SNAPC4: variants seen among roughly 807,000 people sequenced by gnomAD.
The protein encoded by SNAPC4 is snRNA-activating protein complex subunit 4.
Under a neutral mutation model 151.3 loss-of-function variants are expected in SNAPC4, and 127 were observed. The ratio of observed to expected loss-of-function variants is 0.84; its 90% CI spans 0.73 to 0.97. The LOEUF (loss-of-function observed/expected upper bound fraction) is 0.97. Ranked by LOEUF, SNAPC4 falls within the 50% of genes least tolerant of loss-of-function variation. The pLI is 0.00. For synonymous variants in SNAPC4, 1,002 were observed against 824.4 expected (o/e 1.22, Z -3.69); for missense variants, 2,186 against 1,935.0 (o/e 1.13, Z -2.43).
chr9:136,378,049 G>A lies in SNAPC4; in HGVS notation c.3778C>T (p.Pro1260Ser), dbSNP rs776587144. ...GCCCCCTTCTCAGGCCCAGGCTGGGGTAGGGGCGGCTTCTCCAGGTCCAGG... is the reference window on the plus strand; with the variant it reads ...GCCCCCTTCTCAGGCCCAGGCTGGGATAGGGGCGGCTTCTCCAGGTCCAGG... ...GALDLEKPPLPQPGPEKGALD... is the reference protein window; with the variant it reads ...GALDLEKPPLSQPGPEKGALD... Residue 1260 changes from proline (P) to serine (S), a missense_variant, in exon 22 of 24, where the codon CCC becomes TCC. Physicochemically the swap from Pro to Ser is moderately conservative, Grantham distance 74. Transcript: ENST00000684778. 6.3e-6 allele frequency: 10 copies of A among 1,581,754 alleles called. No individual in the cohort carries two copies. The highest frequency in any genetic ancestry group is 2.3e-5 in the South Asian group (2 of 88,034).
intron 1 of SNAPC4, among the ~76,000 whole-genome samples, chr9:136,399,212 C>A (rs1834371361): frequency 6.6e-6 from 1 of 152,232 alleles, no homozygotes; most frequent in Admixed American, 6.5e-5. Context: ...GAAACGCCCT[C>A]CCCCGTCCTT....
rs776727633 is a variant in SNAPC4 at position 136,381,829 on chromosome 9, G to T, written c.2312C>A (p.Thr771Asn). The change falls in exon 18 of 24, where the codon ACT (threonine) becomes AAT (asparagine). Residue 771 changes from threonine (T) to asparagine (N), a missense_variant. Thr to Asn is a moderately conservative substitution (Grantham distance 65). Transcript: ENST00000684778. ...QASQRPAVVQ[T>N]QADGLREQLQ... ...AGAGGAGCCCCAGGCCATACCTTGA[G>T]TCTGCACTACGGCGGGTCTCTGGGA... 33 of 1,611,778 alleles carry T rather than the reference G, an allele frequency of 2.0e-5. No homozygotes were observed. The highest frequency in any genetic ancestry group is 2.7e-5 in the Non-Finnish European group (32 of 1,179,676).
At position 136,392,035 on chromosome 9, in the gene SNAPC4, C is replaced by A. The variant is rs762511785; in HGVS notation, c.882G>T (p.Lys294Asn). The stretch of plus-strand genomic sequence containing the variant: ...CCTCCTCCTCCCTGCTCCACTCCTG[C>A]TTGTTGATGCTGGGGTGCTCCGAGT... ...WQNSEHPSIN[K>N]QEWSREEEER... Residue 294 changes from lysine (K) to asparagine (N), a missense_variant, in exon 10 of 24, where the codon AAG becomes AAT. By Grantham distance (94) the Lys-to-Asn change is moderately conservative (BLOSUM62 0). Coordinates refer to ENST00000684778, the MANE Select transcript of SNAPC4 (RefSeq NM_003086.4). 1 of 1,612,496 alleles carries A rather than the reference C, an allele frequency of 6.2e-7. No individual in the cohort carries two copies. The highest frequency in any genetic ancestry group is 8.5e-7 in the Non-Finnish European group (1 of 1,179,974).
In SNAPC4 at chr9:136,378,595, A is replaced by C; in HGVS notation, c.3232T>G (p.Trp1078Gly). The C allele has an allele frequency of 6.3e-7, 1 of 1,579,188 alleles. No individual in the cohort carries two copies. The highest frequency in any genetic ancestry group is 8.6e-7 in the Non-Finnish European group (1 of 1,165,124). The part of the protein sequence containing the change: ...VATSVPLPVT[W>G]VLTAQGLLPV... ...AGAAGCCCCTGGGCTGTGAGCACCC[A>C]GGTGACAGGCAGGGGGACACTGGTC... Residue 1078 changes from tryptophan to glycine, a missense_variant, in exon 22 of 24, where the codon TGG (tryptophan) becomes GGG (glycine). Transcript: ENST00000684778.
chr9:136,398,105 G>A (rs1834337557), intron 2 of SNAPC4, among the ~76,000 whole-genome samples, 194 bp downstream of exon 2: 3 of 152,092 alleles, frequency 2.0e-5, no homozygotes, highest in Middle Eastern at 3.2e-3. Context: ...ACAGGGTCTT[G>A]CTGCGTTGTC....
Position 136,377,708 on chromosome 9 carries a change from G to C in SNAPC4, c.4119C>G (p.Thr1373=). The change falls in exon 22 of 24, where the codon ACC becomes ACG. Residue 1373 remains threonine (T), a synonymous_variant. Coordinates refer to ENST00000684778, the MANE Select transcript of SNAPC4 (RefSeq NM_003086.4). ...CCAGGGTGGCCAGGAGCGCAGGGAG[G>C]GTGAAGGCTGCCAGGAACCGCGCCC... is the stretch of plus-strand genomic sequence containing the variant. ...LLRARFLAAF[T]LPALLATLAP... The C allele has an allele frequency of 1.2e-6, 2 of 1,609,180 alleles. No individual in the cohort carries two copies. The highest frequency in any genetic ancestry group is 1.7e-6 in the Non-Finnish European group (2 of 1,177,568).
At position 136,378,063 on chromosome 9, in the gene SNAPC4, T is replaced by C. The variant is rs1315399837; in HGVS notation, c.3764A>G (p.Glu1255Gly). Residue 1255 changes from glutamate (E) to glycine (G), a missense_variant, in exon 22 of 24, where the codon GAG becomes GGG. Coordinates refer to ENST00000684778, the MANE Select transcript of SNAPC4 (RefSeq NM_003086.4). The stretch of plus-strand genomic sequence containing the variant: ...CCCAGGCTGGGGTAGGGGCGGCTTC[T>C]CCAGGTCCAGGGCCCCCTTCTCAGG... The part of the protein sequence containing the change: ...PGPEKGALDL[E>G]KPPLPQPGPE... 28 of 1,576,358 alleles carry C rather than the reference T, an allele frequency of 1.8e-5. No homozygotes were observed. The highest frequency in any genetic ancestry group is 2.4e-5 in the Non-Finnish European group (28 of 1,162,004).
Position 136,388,027 on chromosome 9 carries a change from G to T in SNAPC4, c.1124-179C>A, listed in dbSNP as rs563426060. On this transcript the variant is annotated intron_variant, in intron 11 of 23. Coordinates refer to ENST00000684778, the MANE Select transcript of SNAPC4 (RefSeq NM_003086.4). ...TCATGCCTGTCATCCCAGCACTTTGGGAGGCAGAGGCTGGCGGATCACCTA... is the reference window on the plus strand; with the variant it reads ...TCATGCCTGTCATCCCAGCACTTTGTGAGGCAGAGGCTGGCGGATCACCTA... Among the ~76,000 whole-genome samples the T allele has an allele frequency of 5.9e-5, 9 of 152,284 alleles. No homozygotes were observed. In the South Asian group the frequency reaches 1.9e-3, roughly 32 times the overall value.
rs754831529 is a variant in SNAPC4, at chr9:136,395,585, G to A, written c.345+18C>T. ...GGGTGGGGAGGTGTGGGCACCGGGG[G>A]GCCGAGGCCCATCCCACCTGCTGCT... On this transcript the variant is annotated intron_variant, in intron 4 of 23. Transcript: ENST00000684778. 3 of 1,601,694 alleles carry A rather than the reference G, an allele frequency of 1.9e-6. No individual in the cohort carries two copies. The highest frequency in any genetic ancestry group is 1.7e-6 in the Non-Finnish European group (2 of 1,173,312).
chr9:136,379,325 G>C, intron 21 of SNAPC4, 26 bp from the exon 22 acceptor site: 1 of 1,611,556 alleles, frequency 6.2e-7, no homozygotes, highest in South Asian at 1.1e-5. Context: ...ACCCACACTT[G>C]ATAAGCCCCA....
Position 136,377,621 on chromosome 9 carries a change from A to C in SNAPC4, c.4206T>G (p.Asp1402Glu). ...GTTCCAGCTCACTCAGGAGGTCTTC[A>C]TCCTCACTCTCAGAGCCCACCCTCG... ...VPSRVGSESE[D>E]EDLLSELELA... Residue 1402 changes from aspartate to glutamate, a missense_variant, in exon 22 of 24, where the codon GAT becomes GAG. Asp to Glu is a conservative substitution (Grantham distance 45). Transcript: ENST00000684778. The C allele has an allele frequency of 6.4e-7, 1 of 1,569,106 alleles. No homozygotes were observed. Among genetic ancestry groups the C allele is most frequent in the Non-Finnish European group, 8.7e-7 (1 of 1,155,834 alleles).
At chr9:136,393,743 A>G (rs1834161943) in intron 7 of SNAPC4, among the ~76,000 whole-genome samples, 1 of 152,150 alleles carries the variant, frequency 6.6e-6, no homozygotes, top group Non-Finnish European at 1.5e-5. Flanking sequence ...TCCTGCGCTT[A>G]GCCGCCCGCC....
intron 21 of SNAPC4, 60 bp from the exon 22 acceptor site, chr9:136,379,359 C>T (rs940156172): frequency 5.3e-5 from 85 of 1,599,300 alleles, no homozygotes; most frequent in Non-Finnish European, 7.1e-5. Context: ...GGGACAGCCC[C>T]TCGCTGCCAT....
Position 136,378,053 on chromosome 9 carries a change from G to A in SNAPC4, c.3774C>T (p.Pro1258=), listed in dbSNP as rs962959548. ...EKGALDLEKP[P]LPQPGPEKGA... is the part of the protein sequence containing the mutation. The stretch of plus-strand genomic sequence containing the variant: ...CCTTCTCAGGCCCAGGCTGGGGTAG[G>A]GGCGGCTTCTCCAGGTCCAGGGCCC... Residue 1258 remains proline (P), a synonymous_variant, in exon 22 of 24, where the codon CCC becomes CCT. Transcript: ENST00000684778. 4 of 1,578,492 alleles carry A rather than the reference G, an allele frequency of 2.5e-6. No homozygotes were observed. The highest frequency in any genetic ancestry group is 1.8e-5 in the Admixed American group (1 of 54,606).
chr9:136,384,366 G>C (rs1833818317), intron 14 of SNAPC4, among the ~76,000 whole-genome samples: 2 of 152,232 alleles, frequency 1.3e-5, no homozygotes, highest in Admixed American at 1.3e-4. Context: ...GGCAGCAGGA[G>C]GAGCACGGGT....
intron 7 of SNAPC4, among the ~76,000 whole-genome samples, chr9:136,393,210 G>A (rs986734102): frequency 6.6e-6 from 1 of 152,118 alleles, no homozygotes. Flanking sequence ...CGAGCCTGAG[G>A]AGAGACCCAC....
intron 10 of SNAPC4, 140 bp from the exon 11 acceptor site, chr9:136,388,731 G>A: frequency 1.1e-6 from 1 of 907,814 alleles, no homozygotes; most frequent in Non-Finnish European, 1.7e-6. Context: ...CCTCCTCCCA[G>A]ACTCCTGTGG....
intron 16 of SNAPC4, among the ~76,000 whole-genome samples, chr9:136,382,755 A>G (rs1473810181): frequency 1.3e-5 from 2 of 152,174 alleles, no homozygotes; most frequent in Non-Finnish European, 2.9e-5. Flanking sequence ...ATGGCCAGAG[A>G]TGGGCCTGAC....
In SNAPC4 at chr9:136,378,343, G is replaced by A. The variant is rs1416991994; in HGVS notation, c.3484C>T (p.Gln1162Ter). 2.5e-6 allele frequency: 4 copies of A among 1,608,022 alleles called. No homozygotes were observed. Among genetic ancestry groups the A allele is most frequent in the African/African-American group, 1.3e-5 (1 of 74,900 alleles). ...TPAPPTHALS[Q>*]SPAEADGSVA... ...CTGCCATCCGCTTCTGCAGGACTTT[G>A]GGAGAGGGCGTGTGTGGGAGGAGCT... The change falls in exon 22 of 24, where the codon CAA becomes TAA. Residue 1162 changes from glutamine (Q) to a stop codon, truncating the protein, a stop_gained. Transcript: ENST00000684778. LOFTEE classifies it high-confidence loss of function.
Sources: allele counts gnomAD v4.1 joint callset (sites outside exome capture counted in the v4.1 genomes callset), GRCh38; gene constraint gnomAD v4.1.1; transcripts MANE v1.5; gene names NCBI Gene and HGNC (gene_info 2026-07-23, HGNC 2026-07-21).